Variants in CPVL observed in about 807,000 individuals in gnomAD.
CPVL encodes the protein probable serine carboxypeptidase CPVL.
A neutral mutation model predicts 63.7 loss-of-function variants in CPVL; 51 were observed. That is an observed-to-expected ratio of 0.80 (90% CI 0.64 to 1.01). The LOEUF (loss-of-function observed/expected upper bound fraction) is 1.01, where lower values mean the gene tolerates loss of function less well. Ranked by LOEUF, CPVL falls within the 50% of genes least tolerant of loss-of-function variation. CPVL has a pLI of 0.00. For synonymous variants in CPVL, 195 were observed against 206.0 expected, an observed-to-expected ratio of 0.95 and a Z score of 0.46; for missense variants, 530 against 573.1, an observed-to-expected ratio of 0.92 and a Z score of 0.77.
At chr7:29,081,970 T>G (rs1784763845) in intron 7 of CPVL, among the ~76,000 whole-genome samples, 2 of 152,214 alleles carry the variant, frequency 1.3e-5, no homozygotes, top group Non-Finnish European at 2.9e-5. Context: ...CACACAAATG[T>G]GAAGATATTT....
chr7:29,063,055 A>C (rs1782786966), intron 11 of CPVL, among the ~76,000 whole-genome samples: 1 of 152,070 alleles, frequency 6.6e-6, no homozygotes, highest in Non-Finnish European at 1.5e-5. Flanking sequence ...GAAAGAAATA[A>C]TACACAGGCT....
chr7:29,152,657 C>T (rs1793756982), intron 5 of CPVL, among the ~76,000 whole-genome samples: 1 of 152,124 alleles, frequency 6.6e-6, no homozygotes, highest in African/African-American at 2.4e-5. Context: ...AGGAATTATC[C>T]CTTCTTCTCA....
At chr7:29,005,858 G>A (rs902997268) in intron 12 of CPVL, among the ~76,000 whole-genome samples, 2 of 152,154 alleles carry the variant, frequency 1.3e-5, no homozygotes, top group Non-Finnish European at 2.9e-5. Flanking sequence ...GCACAATCCA[G>A]TTCATTATTT....
intron 3 of CPVL, among the ~76,000 whole-genome samples, chr7:29,108,175 C>T (rs1458956382): frequency 6.6e-6 from 1 of 152,178 alleles, no homozygotes; most frequent in Non-Finnish European, 1.5e-5. Flanking sequence ...GAATCTGGGC[C>T]TTTCCTCTTG....
chr7:29,165,589 A>T (rs986030783), intron 5 of CPVL, among the ~76,000 whole-genome samples: 2 of 152,174 alleles, frequency 1.3e-5, no homozygotes, highest in African/African-American at 4.8e-5. Flanking sequence ...CTTTGTTACA[A>T]TGACAAGTAG....
At chr7:29,058,417 C>A (rs901867028) in intron 11 of CPVL, among the ~76,000 whole-genome samples, 10 of 152,074 alleles carry the variant, frequency 6.6e-5, no homozygotes, top group South Asian at 2.1e-4. Context: ...TTCCAAGAGG[C>A]TTTTTTGTTG....
At chr7:28,998,775 T>G (rs931532323) in intron 12 of CPVL, among the ~76,000 whole-genome samples, 1 of 152,174 alleles carries the variant, frequency 6.6e-6, no homozygotes, top group African/African-American at 2.4e-5. Context: ...CACTCCAGCC[T>G]GGGCAACAAA....
intron 1 of CPVL, chr7:29,122,660 CAA>C (rs1789500961): frequency 7.5e-6 from 1 of 133,942 alleles, no homozygotes; most frequent in East Asian, 2.0e-4. Context: ...AAACTTGAAT[CAA>C]AAGAGTGTCT....
At chr7:29,062,808 A>G (rs557931532) in intron 11 of CPVL, among the ~76,000 whole-genome samples, 15 of 152,200 alleles carry the variant, frequency 9.9e-5, no homozygotes, top group South Asian at 2.1e-4. Context: ...AAAGATCGAA[A>G]TAAAGTATCT....
chr7:29,097,991 G>T (rs1373189201), intron 3 of CPVL, among the ~76,000 whole-genome samples: 2 of 152,138 alleles, frequency 1.3e-5, no homozygotes, highest in African/African-American at 4.8e-5. Context: ...GCTCTACTTG[G>T]CTCCCCTGCT....
At chr7:29,015,505 G>A (rs1487391401) in intron 12 of CPVL, among the ~76,000 whole-genome samples, 1 of 152,164 alleles carries the variant, frequency 6.6e-6, no homozygotes, top group Non-Finnish European at 1.5e-5. Flanking sequence ...AAAGGTGTGT[G>A]GCATCTCCCC....
intron 3 of CPVL, among the ~76,000 whole-genome samples, chr7:29,097,003 A>AC (rs1786497106): frequency 6.6e-6 from 1 of 151,514 alleles, no homozygotes; most frequent in Admixed American, 6.6e-5. Flanking sequence ...AAAAAAAAAA[A>AC]AAAAAAGAAT....
intron 12 of CPVL, among the ~76,000 whole-genome samples, chr7:29,022,909 G>A (rs1038095901): frequency 1.3e-5 from 2 of 152,214 alleles, no homozygotes; most frequent in African/African-American, 4.8e-5. Flanking sequence ...CACCTTTCCC[G>A]CCAATGCTGG....
At chr7:29,130,335 G>C (rs1033992538) in intron 1 of CPVL, among the ~76,000 whole-genome samples, 1 of 152,190 alleles carries the variant, frequency 6.6e-6, no homozygotes, top group Admixed American at 6.5e-5. Flanking sequence ...CATTATGCAA[G>C]CCAGGATTTC....
intron 12 of CPVL, among the ~76,000 whole-genome samples, chr7:29,021,105 C>T (rs551760294): frequency 1.2e-4 from 18 of 151,480 alleles, no homozygotes; most frequent in East Asian, 5.8e-4. Context: ...TCCTAGAAGG[C>T]GGAGGTTGTA....
At chr7:29,149,720 G>T (rs245886), upstream of CPVL, among the ~76,000 whole-genome samples, 82,504 of 151,798 alleles carry the variant, frequency 0.54, 22,919 homozygotes, top group African/African-American at 0.66. Flanking sequence ...CTTCCTCGCT[G>T]CTTCTAGGTT....
chr7:29,024,858 G>C (rs1787337911), intron 12 of CPVL, among the ~76,000 whole-genome samples: 1 of 152,162 alleles, frequency 6.6e-6, no homozygotes, highest in Non-Finnish European at 1.5e-5. Context: ...CCTATAACTG[G>C]AAGTGAAAAG....
At chr7:29,123,706 TG>T (rs1362149568) in intron 1 of CPVL, among the ~76,000 whole-genome samples, 2,567 of 38,266 alleles carry the variant, frequency 0.067, 103 homozygotes, top group African/African-American at 0.25. Flanking sequence ...AAGAGGTTTT[TG>T]TTTTTTTTTT....
At chr7:29,062,820 G>C (rs942643042) in intron 11 of CPVL, among the ~76,000 whole-genome samples, 1 of 152,180 alleles carries the variant, frequency 6.6e-6, no homozygotes, top group African/African-American at 2.4e-5. Context: ...AAAGTATCTT[G>C]AGGAGAGGAT....
Sources: allele counts gnomAD v4.1 joint callset (sites outside exome capture counted in the v4.1 genomes callset), GRCh38; gene constraint gnomAD v4.1.1; transcripts MANE v1.5; gene names NCBI Gene and HGNC (gene_info 2026-07-23, HGNC 2026-07-21).